Variants in PCDH15 observed in about 807,000 individuals in gnomAD.
PCDH15 encodes protocadherin-15.
A neutral mutation model predicts 178.5 loss-of-function variants in PCDH15; 129 were observed. The observed-to-expected ratio is 0.72, with a 90% CI of 0.63 to 0.84. The LOEUF (loss-of-function observed/expected upper bound fraction) is 0.84. Ranked by LOEUF, PCDH15 falls within the 40% of genes least tolerant of loss-of-function variation. The pLI is 0.00. For synonymous variants in PCDH15, 800 were observed against 732.0 expected, an observed-to-expected ratio of 1.09 and a Z score of -1.50; for missense variants, 2,230 against 2,099.9, an observed-to-expected ratio of 1.06 and a Z score of -1.21.
intron 3 of PCDH15, among the ~76,000 whole-genome samples, chr10:54,453,666 GAAAA>G (rs974641762): frequency 6.9e-6 from 1 of 143,976 alleles, no homozygotes; most frequent in Non-Finnish European, 1.5e-5. Context: ...TTAAAAAAAA[GAAAA>G]AAAAAAGAAA....
At chr10:55,028,667 A>G (rs1002079690) in intron 2 of PCDH15, among the ~76,000 whole-genome samples, 6 of 152,032 alleles carry the variant, frequency 3.9e-5, no homozygotes, top group African/African-American at 7.2e-5. Flanking sequence ...CTGAGCATAA[A>G]AGGAATTGAC....
At chr10:55,466,751 CG>C (rs1369901503) in intron 2 of PCDH15, among the ~76,000 whole-genome samples, 3 of 152,042 alleles carry the variant, frequency 2.0e-5, no homozygotes, top group Non-Finnish European at 2.9e-5. Flanking sequence ...AAGAATATAA[CG>C]GGGAAAAAAG....
chr10:55,303,742 G>C (rs1211311378), intron 1 of PCDH15, among the ~76,000 whole-genome samples: 2 of 152,004 alleles, frequency 1.3e-5, no homozygotes, highest in Non-Finnish European at 2.9e-5. Flanking sequence ...TATCTATAGA[G>C]TCTTTAGTGA....
intron 1 of PCDH15, among the ~76,000 whole-genome samples, chr10:55,276,680 ACCTAATTTTTGTTTG>A (rs1421283681): frequency 2.6e-5 from 4 of 151,802 alleles, no homozygotes; most frequent in African/African-American, 4.8e-5. Flanking sequence ...TATAAAATTT[ACCTAATTTTTGTTTG>A]CCCCATAAAA....
intron 3 of PCDH15, among the ~76,000 whole-genome samples, chr10:54,515,254 G>A (rs2082091601): frequency 6.6e-6 from 1 of 152,170 alleles, no homozygotes; most frequent in South Asian, 2.1e-4. Context: ...ATGGCACCTG[G>A]AAAATCGGGT....
In PCDH15 at chr10:53,979,811, A is replaced by T. The variant is rs187002346; in HGVS notation, c.2868+15838T>A. Among the ~76,000 whole-genome samples the T allele has an allele frequency of 2.6e-3, 392 of 152,272 alleles. 3 individuals carry two copies. Among genetic ancestry groups the T allele is most frequent in the Non-Finnish European group, 4.5e-3 (303 of 68,022 alleles). On this transcript the variant is annotated intron_variant, in intron 21 of 37. Transcript: ENST00000644397. ...GATTTATAGTAAACTAGACTTTAAA[A>T]CTCACTGCAGACACTCACAAATCAC...
intron 3 of PCDH15, among the ~76,000 whole-genome samples, chr10:54,504,012 T>G (rs1483300167): frequency 6.6e-6 from 1 of 152,132 alleles, no homozygotes; most frequent in African/African-American, 2.4e-5. Context: ...AGGCTCCTAG[T>G]GAAGAACTGT....
At chr10:54,671,820 A>G (rs1426499981) in intron 1 of PCDH15, among the ~76,000 whole-genome samples, 1 of 152,144 alleles carries the variant, frequency 6.6e-6, no homozygotes, top group East Asian at 1.9e-4. Flanking sequence ...CTCATAATGA[A>G]TCAAATCCTC....
intron 2 of PCDH15, among the ~76,000 whole-genome samples, chr10:54,936,991 T>C (rs1733767): frequency 9.9e-5 from 15 of 151,940 alleles, no homozygotes; most frequent in African/African-American, 3.4e-4. Flanking sequence ...TACGTTGAGG[T>C]CTATCATCTA....
intron 18 of PCDH15, among the ~76,000 whole-genome samples, chr10:54,028,944 TA>T (rs201729733): frequency 2.7e-4 from 39 of 145,072 alleles, no homozygotes; most frequent in Admixed American, 1.9e-3. Context: ...ATAATAATAA[TA>T]AAAAAAAGAC....
At chr10:54,482,734 C>T (rs1002339757) in intron 3 of PCDH15, among the ~76,000 whole-genome samples, 1 of 151,810 alleles carries the variant, frequency 6.6e-6, no homozygotes, top group African/African-American at 2.4e-5. Flanking sequence ...AATCAATTGA[C>T]TTCAGATTTG....
At chr10:55,037,154 C>A (rs1840755422) in intron 2 of PCDH15, among the ~76,000 whole-genome samples, 1 of 152,098 alleles carries the variant, frequency 6.6e-6, no homozygotes, top group Admixed American at 6.5e-5. Flanking sequence ...TATCCCCTCC[C>A]AATAGAAAGA....
intron 2 of PCDH15, among the ~76,000 whole-genome samples, chr10:54,559,371 T>C (rs957707226): frequency 6.6e-6 from 1 of 152,176 alleles, no homozygotes; most frequent in Admixed American, 6.5e-5. Context: ...AGCTTGGCTA[T>C]ATTAATCCAG....
chr10:54,668,334 C>T (rs532043968), intron 1 of PCDH15, among the ~76,000 whole-genome samples: 1 of 152,184 alleles, frequency 6.6e-6, no homozygotes, highest in Middle Eastern at 3.4e-3. Context: ...GCTAGCATTT[C>T]AAAACTGTAT....
chr10:54,411,958 G>A (rs1953592065), intron 3 of PCDH15, among the ~76,000 whole-genome samples: 1 of 152,114 alleles, frequency 6.6e-6, no homozygotes, highest in African/African-American at 2.4e-5. Context: ...ATAGAAATTT[G>A]AATATTTAGC....
intron 28 of PCDH15, among the ~76,000 whole-genome samples, chr10:53,844,585 T>TAA (rs1254266417): frequency 6.6e-6 from 1 of 151,932 alleles, no homozygotes; most frequent in Non-Finnish European, 1.5e-5. Context: ...TCCACACTCT[T>TAA]ACAGCCAATC....
At chr10:55,625,135 T>G (rs991395595) in intron 2 of PCDH15, among the ~76,000 whole-genome samples, 10 of 152,144 alleles carry the variant, frequency 6.6e-5, no homozygotes, top group African/African-American at 2.4e-4. Context: ...CACTGATTTT[T>G]TTTTAACTTA....
At chr10:54,579,356 A>C (rs2090816934) in intron 2 of PCDH15, among the ~76,000 whole-genome samples, 1 of 152,124 alleles carries the variant, frequency 6.6e-6, no homozygotes, top group Non-Finnish European at 1.5e-5. Context: ...GTTAGATAAG[A>C]CAGAATTTAA....
At chr10:53,992,676 T>A (rs912268590) in intron 21 of PCDH15, among the ~76,000 whole-genome samples, 1 of 152,278 alleles carries the variant, frequency 6.6e-6, no homozygotes, top group East Asian at 1.9e-4. Flanking sequence ...TTCTGTCAAA[T>A]TTGGGAATGA....
Sources: allele counts gnomAD v4.1 joint callset (sites outside exome capture counted in the v4.1 genomes callset), GRCh38; gene constraint gnomAD v4.1.1; transcripts MANE v1.5; gene names NCBI Gene and HGNC (gene_info 2026-07-23, HGNC 2026-07-21).